KIAA1217: variants seen among roughly 807,000 people sequenced by gnomAD.
The protein encoded by KIAA1217 is KIAA1217, also known as sickle tail protein homolog.
A neutral mutation model predicts 163.9 loss-of-function variants in KIAA1217; 88 were observed. The ratio of observed to expected loss-of-function variants is 0.54; its 90% confidence interval spans 0.45 to 0.64. The LOEUF (loss-of-function observed/expected upper bound fraction) is 0.64, where lower values mean the gene tolerates loss of function less well. Ranked by LOEUF, KIAA1217 falls within the 30% of genes least tolerant of loss-of-function variation. The pLI is 0.00. For missense variants in KIAA1217, 2,372 were observed against 2,475.0 expected (o/e 0.96, Z 0.88); for synonymous variants, 903 against 923.1 (o/e 0.98, Z 0.39).
In KIAA1217 at chr10:24,531,954, T is replaced by C. The variant is rs1346600787; in HGVS notation, c.3207T>C (p.Asp1069=). 6.2e-7 allele frequency: 1 copy of C among 1,608,216 alleles called. No homozygotes were observed. The highest frequency in any genetic ancestry group is 8.5e-7 in the Non-Finnish European group (1 of 1,176,498). ...GSGLTTTRSG[D]VVYTGRKENI... ...GACTCACCACCACGAGGTCAGGCGA[T>C]GTGGTCTACACCGGCAGAAAGGAGA... Residue 1069 remains aspartate, a synonymous_variant, in exon 15 of 21, where the codon GAT becomes GAC. Coordinates refer to ENST00000376454, the MANE Select transcript of KIAA1217 (RefSeq NM_019590.5).
At chr10:24,039,830 AGATATAGATATAGATAT>A (rs1848557180) in intron 2 of KIAA1217, among the ~76,000 whole-genome samples, 1 of 151,840 alleles carries the variant, frequency 6.6e-6, no homozygotes, top group African/African-American at 2.4e-5. Context: ...ATATAGATAT[AGATATAGATATAGATAT>A]AATCTCCCAC....
At chr10:23,996,613 G>A (rs1846496261) in intron 1 of KIAA1217, among the ~76,000 whole-genome samples, 1 of 152,096 alleles carries the variant, frequency 6.6e-6, no homozygotes, top group Non-Finnish European at 1.5e-5. Flanking sequence ...CAAAGTACTT[G>A]AAAACTGCAT....
intron 1 of KIAA1217, among the ~76,000 whole-genome samples, chr10:23,851,842 C>T (rs1472327435): frequency 2.0e-5 from 3 of 151,736 alleles, no homozygotes; most frequent in East Asian, 3.9e-4. Context: ...TGTCCTTCGC[C>T]CACTTTTTGA....
chr10:23,953,252 G>T (rs143270065), intron 1 of KIAA1217, among the ~76,000 whole-genome samples: 1 of 152,262 alleles, frequency 6.6e-6, no homozygotes, highest in African/African-American at 2.4e-5. Context: ...AAAATTAACC[G>T]TGAAATATCA....
Position 24,545,973 on chromosome 10 carries a change from T to A in KIAA1217, c.5481T>A (p.Asn1827Lys). ...SSSGDSSNLP[N>K]PPATKPSIAS... is the part of the protein sequence containing the mutation. The stretch of plus-strand genomic sequence containing the variant: ...GTGGTGACAGCTCTAACCTCCCTAA[T>A]CCACCTGCTACTAAACCATCGATTG... The change falls in exon 21 of 21, where the codon AAT becomes AAA. Residue 1827 changes from asparagine (N) to lysine (K), a missense_variant. Coordinates refer to ENST00000376454, the MANE Select transcript of KIAA1217 (RefSeq NM_019590.5). The A allele has an allele frequency of 6.2e-7, 1 of 1,614,082 alleles. No homozygotes were observed.
At chr10:24,154,612 C>A (rs1363119314) in intron 2 of KIAA1217, among the ~76,000 whole-genome samples, 1 of 151,940 alleles carries the variant, frequency 6.6e-6, no homozygotes, top group Non-Finnish European at 1.5e-5. Flanking sequence ...CAGTGACTCA[C>A]ACCTATAATC....
At chr10:23,984,749 C>G (rs187193672) in intron 1 of KIAA1217, among the ~76,000 whole-genome samples, 272 of 150,900 alleles carry the variant, frequency 1.8e-3, no homozygotes, top group Non-Finnish European at 3.2e-3. Context: ...ACATCACACA[C>G]TGGGGCCTGT....
intron 5 of KIAA1217, among the ~76,000 whole-genome samples, chr10:24,453,539 A>C (rs556426946): frequency 1.3e-5 from 2 of 152,354 alleles, no homozygotes; most frequent in South Asian, 4.1e-4. Flanking sequence ...AGCTGTTTCA[A>C]ATTATGAGAT....
Position 23,791,821 on chromosome 10 carries a change from C to T in KIAA1217, c.-321+96587C>T, listed in dbSNP as rs16923852. On this transcript the variant is annotated intron_variant, in intron 1 of 18. Coordinates refer to the KIAA1217 transcript ENST00000376462. ...GAATTTTACTGGGAGTTAGAAATAC[C>T]ACAGCCTACATCAGCATTACTGTTT... 7.1e-3 allele frequency among the ~76,000 whole-genome samples: 1,078 copies of T among 152,236 alleles called. 18 individuals carry two copies. Among genetic ancestry groups the T allele is most frequent in the African/African-American group, 0.024 (993 of 41,536 alleles).
intron 2 of KIAA1217, among the ~76,000 whole-genome samples, chr10:24,229,707 CAAG>C (rs2071099564): frequency 6.6e-6 from 1 of 152,012 alleles, no homozygotes; most frequent in South Asian, 2.1e-4. Flanking sequence ...TTAGTAGAGA[CAAG>C]GTTTCACCAT....
At chr10:24,363,006 TTAAA>T (rs753675745) in intron 2 of KIAA1217, among the ~76,000 whole-genome samples, 1 of 152,092 alleles carries the variant, frequency 6.6e-6, no homozygotes, top group Non-Finnish European at 1.5e-5. Context: ...GGGTGAGTGC[TTAAA>T]TTTTAGCAGC....
intron 2 of KIAA1217, among the ~76,000 whole-genome samples, chr10:24,112,211 G>A (rs915107021): frequency 2.0e-5 from 3 of 152,160 alleles, no homozygotes; most frequent in Non-Finnish European, 4.4e-5. Context: ...GAGGTATCCT[G>A]AATAGTAGGG....
intron 1 of KIAA1217, among the ~76,000 whole-genome samples, chr10:23,764,307 G>A (rs966396363): frequency 2.0e-5 from 3 of 152,188 alleles, no homozygotes; most frequent in Non-Finnish European, 4.4e-5. Context: ...GGAAACAATA[G>A]ATGTTGGCGA....
At chr10:24,108,976 C>T (rs930803021) in intron 2 of KIAA1217, among the ~76,000 whole-genome samples, 2 of 152,168 alleles carry the variant, frequency 1.3e-5, no homozygotes, top group African/African-American at 2.4e-5. Flanking sequence ...GGATTACAGG[C>T]ATGTGGCACC....
intron 2 of KIAA1217, among the ~76,000 whole-genome samples, chr10:24,238,667 T>TA (rs2072624755): frequency 1.3e-5 from 2 of 152,040 alleles, no homozygotes; most frequent in Non-Finnish European, 2.9e-5. Context: ...GTTTTGCTGG[T>TA]AAAAAGTTCT....
intron 1 of KIAA1217, among the ~76,000 whole-genome samples, chr10:23,826,986 T>C (rs1837927963): frequency 6.6e-6 from 1 of 152,028 alleles, no homozygotes; most frequent in Non-Finnish European, 1.5e-5. Context: ...AAATAAAAGG[T>C]GAATATGACT....
At chr10:24,336,190 C>T (rs183294553) in intron 2 of KIAA1217, among the ~76,000 whole-genome samples, 45 of 152,200 alleles carry the variant, frequency 3.0e-4, no homozygotes, top group East Asian at 5.8e-4. Context: ...TTGCATGACC[C>T]GAGACCGGGC....
intron 2 of KIAA1217, among the ~76,000 whole-genome samples, chr10:24,310,883 G>C (rs1249755651): frequency 6.6e-6 from 1 of 152,146 alleles, no homozygotes; most frequent in Non-Finnish European, 1.5e-5. Context: ...TGTAGTCCTA[G>C]CTATTTGAGA....
chr10:23,796,515 T>C (rs1390837702), intron 1 of KIAA1217, among the ~76,000 whole-genome samples: 1 of 151,968 alleles, frequency 6.6e-6, no homozygotes, highest in African/African-American at 2.4e-5. Flanking sequence ...AGGTGTGCAC[T>C]ACCACACTGG....
Sources: allele counts gnomAD v4.1 joint callset (sites outside exome capture counted in the v4.1 genomes callset), GRCh38; gene constraint gnomAD v4.1.1; transcripts MANE v1.5; gene names NCBI Gene and HGNC (gene_info 2026-07-23, HGNC 2026-07-21).